The following UTP4 variants were observed in gnomAD, a reference collection of about 807,000 sequenced individuals.
UTP4 encodes UTP4 small subunit processome component.
UTP4 carries 45 observed loss-of-function variants against 82.4 expected under a neutral mutation model. The observed-to-expected ratio is 0.55, with a 90% CI of 0.43 to 0.70. UTP4 has a LOEUF of 0.70. Among genes scored for constraint, UTP4 ranks in the 30% least tolerant of loss-of-function variants. The probability of loss-of-function intolerance (pLI) is 0.00; values close to 1 mark genes in which losing one functional copy is unlikely to be tolerated. For missense variants in UTP4, 819 were observed against 858.3 expected, an observed-to-expected ratio of 0.95 and a Z score of 0.57; for synonymous variants, 348 against 300.3, an observed-to-expected ratio of 1.16 and a Z score of -1.64.
intron 1 of UTP4, among the ~76,000 whole-genome samples, 154 bp from the exon 2 acceptor site, chr16:69,133,304 T>C (rs554103489): frequency 3.9e-5 from 6 of 152,222 alleles, no homozygotes; most frequent in Non-Finnish European, 5.9e-5. Context: ...GAGTAATTCT[T>C]GTGGGGGGCA....
intron 15 of UTP4, 190 bp downstream of exon 15, chr16:69,165,716 G>C: frequency 1.5e-6 from 1 of 666,530 alleles, no homozygotes; most frequent in Non-Finnish European, 2.7e-6. Context: ...TGTTCCCACA[G>C]TTCTTCGGGA....
At position 69,157,174 on chromosome 16, in the gene UTP4, G is replaced by C; in HGVS notation, c.1378G>C (p.Ala460Pro). Residue 460 changes from alanine (A) to proline (P), a missense_variant, in exon 12 of 17, where the codon GCT (alanine) becomes CCT (proline). Transcript: ENST00000314423. ...GCTCTTTGTAGCATCAAATCAAGGA[G>C]CTCTGCATATTGTTCAGCTGTCAGG... ...TKLFVASNQG[A>P]LHIVQLSGGS... 6.2e-7 allele frequency: 1 copy of C among 1,614,204 alleles called. No homozygotes were observed. Among genetic ancestry groups the C allele is most frequent in the Non-Finnish European group, 8.5e-7 (1 of 1,180,034 alleles).
intron 5 of UTP4, among the ~76,000 whole-genome samples, chr16:69,142,536 C>T (rs908079786): frequency 8.5e-5 from 13 of 152,124 alleles, no homozygotes; most frequent in Non-Finnish European, 1.0e-4. Flanking sequence ...CTCTTTGAAG[C>T]CCCACTTACT....
intron 8 of UTP4, among the ~76,000 whole-genome samples, chr16:69,153,325 G>A (rs1294876982): frequency 6.6e-6 from 1 of 152,102 alleles, no homozygotes; most frequent in African/African-American, 2.4e-5. Flanking sequence ...TAAAATTCTT[G>A]GCACACTGAA....
At chr16:69,143,155 G>T in intron 5 of UTP4, 23 bp from the exon 6 acceptor site, 1 of 1,608,246 alleles carries the variant, frequency 6.2e-7, no homozygotes, top group Non-Finnish European at 8.5e-7. Context: ...ACCATTTGAA[G>T]GTGTGCTTTT....
chr16:69,163,075 G>C lies in UTP4; in HGVS notation c.1552-8G>C, dbSNP rs1428418069. 2 of 1,611,512 alleles carry C rather than the reference G, an allele frequency of 1.2e-6. No individual in the cohort carries two copies. Among genetic ancestry groups the C allele is most frequent in the East Asian group, 4.5e-5 (2 of 44,862 alleles). On this transcript the variant is annotated splice_polypyrimidine_tract_variant and splice_region_variant and intron_variant, in intron 13 of 16. Coordinates refer to ENST00000314423, the MANE Select transcript of UTP4 (RefSeq NM_032830.3). ...GAGTTGCCACTTGTGTCTGTTATTT[G>C]TTCCCAGCTTCACTGCACGGTGCCT... is the stretch of plus-strand genomic sequence containing the variant.
At position 69,168,941 on chromosome 16, in the gene UTP4, A is replaced by G; in HGVS notation, c.*4A>G. The G allele has an allele frequency of 6.4e-7, 1 of 1,554,794 alleles. No individual in the cohort carries two copies. The highest frequency in any genetic ancestry group is 1.1e-5 in the South Asian group (1 of 89,874). On this transcript the variant is annotated 3_prime_UTR_variant, in exon 17 of 17. Coordinates refer to ENST00000314423, the MANE Select transcript of UTP4 (RefSeq NM_032830.3). ...AAAGAAGAAATTTGGAACCTAAAAC[A>G]GGGCACTGTCTGTGTCCTTCCTTGA...
chr16:69,133,695 T>TA (rs1962722254), intron 2 of UTP4, 77 bp downstream of exon 2: 1 of 1,465,342 alleles, frequency 6.8e-7, no homozygotes, highest in East Asian at 2.3e-5. Context: ...ATGTCTTTTA[T>TA]AATCAAACTG....
In UTP4 at chr16:69,136,815, C is replaced by T. The variant is rs1962826330; in HGVS notation, c.279C>T (p.Ile93=). The T allele has an allele frequency of 2.5e-6, 4 of 1,614,012 alleles. No individual in the cohort carries two copies. The highest frequency in any genetic ancestry group is 3.4e-6 in the Non-Finnish European group (4 of 1,180,018). ...IMEYDLQALN[I]KYAMDAFGGP... ...AGTATGATTTACAGGCGTTAAACAT[C>T]AAGTATGCTATGGATGCCTTTGGAG... Residue 93 remains isoleucine, a synonymous_variant, in exon 3 of 17, where the codon ATC becomes ATT. Transcript: ENST00000314423.
At chr16:69,164,586 T>TTATATATATATATATATATATATATATA in intron 14 of UTP4, among the ~76,000 whole-genome samples, 1 of 132,514 alleles carries the variant, frequency 7.5e-6, no homozygotes, top group East Asian at 2.3e-4. Context: ...TAATCATTCT[T>TTATATATATATATATATATATATATATA]TATATATATA....
Position 69,156,008 on chromosome 16 carries a change from A to G in UTP4, c.1287+15A>G. The G allele has an allele frequency of 6.2e-7, 1 of 1,613,922 alleles. No homozygotes were observed. The highest frequency in any genetic ancestry group is 1.6e-4 in the Middle Eastern group (1 of 6,062). On this transcript the variant is annotated intron_variant, in intron 11 of 16. Transcript: ENST00000314423. ...GCCTCAAAAGGGTAAGTGATAGTCC[A>G]ATATCTGGTCACATAAGAGGAAACT... is the stretch of plus-strand genomic sequence containing the variant.
chr16:69,149,858 A>T (rs1295106342), intron 6 of UTP4, among the ~76,000 whole-genome samples: 1 of 151,776 alleles, frequency 6.6e-6, no homozygotes, highest in Non-Finnish European at 1.5e-5. Flanking sequence ...CCGTCCAAAT[A>T]GTTGGGATTA....
intron 6 of UTP4, among the ~76,000 whole-genome samples, chr16:69,146,618 T>C (rs529611603): frequency 5.3e-5 from 8 of 152,274 alleles, no homozygotes; most frequent in Admixed American, 1.3e-4. Context: ...CCCAGCACTT[T>C]GGGAGACCAA....
chr16:69,151,423 G>T (rs1963265508), intron 8 of UTP4, among the ~76,000 whole-genome samples: 1 of 150,730 alleles, frequency 6.6e-6, no homozygotes, highest in African/African-American at 2.4e-5. Context: ...CCAGGTTCAT[G>T]CCATTCTCCT....
chr16:69,139,367 G>C (rs912217599), intron 4 of UTP4, among the ~76,000 whole-genome samples: 1 of 151,820 alleles, frequency 6.6e-6, no homozygotes, highest in African/African-American at 2.4e-5. Flanking sequence ...AGCTGGGCAC[G>C]ATGGCTTACA....
chr16:69,156,527 C>T (rs1277339960), intron 11 of UTP4, among the ~76,000 whole-genome samples: 1 of 151,398 alleles, frequency 6.6e-6, no homozygotes, highest in Non-Finnish European at 1.5e-5. Context: ...GGCACCACCT[C>T]AGCTCACCGC....
chr16:69,136,384 C>G (rs1296768703), intron 2 of UTP4, among the ~76,000 whole-genome samples: 2 of 152,182 alleles, frequency 1.3e-5, no homozygotes, highest in Non-Finnish European at 2.9e-5. Flanking sequence ...TGTGCCACCA[C>G]ACCCGGCTAC....
intron 6 of UTP4, among the ~76,000 whole-genome samples, chr16:69,146,880 G>C (rs1262773858): frequency 2.0e-4 from 30 of 151,088 alleles, no homozygotes; most frequent in Non-Finnish European, 3.7e-4. Flanking sequence ...GCGGGCGCCT[G>C]TAGTCCCAGC....
At position 69,147,214 on chromosome 16, in the gene UTP4, T is replaced by G. The variant is rs2152279353; in HGVS notation, c.739-3323T>G. Among the ~76,000 whole-genome samples, 3 of 141,848 alleles carry G rather than the reference T, an allele frequency of 2.1e-5. No homozygotes were observed. The South Asian group carries it at 7.1e-4, about 34-fold the overall frequency. 93.1% of individuals were successfully genotyped at this position (141,848 alleles called of 152,430 possible). A position where few individuals can be genotyped will look rare whatever the true frequency, so the allele number is the denominator to read the frequency against. On this transcript the variant is annotated intron_variant, in intron 6 of 16. Transcript: ENST00000314423. ...ATAATAATAATAATAATAATAATAA[T>G]AATAATAAGCCGGGCGTGGTGACTC...
Sources: gnomAD v4.1 joint callset for allele counts (sites outside exome capture counted in the v4.1 genomes callset) on GRCh38, gnomAD v4.1.1 for gene constraint, MANE v1.5 for transcripts, NCBI Gene and HGNC (gene_info 2026-07-23, HGNC 2026-07-21) for gene names.